SLCO3A1: variants seen among roughly 807,000 people sequenced by gnomAD.
SLCO3A1 encodes the protein PGE1 transporter.
Under a neutral mutation model 63.1 loss-of-function variants are expected in SLCO3A1, and 27 were observed. The ratio of observed to expected loss-of-function variants is 0.43; its 90% confidence interval spans 0.32 to 0.59. The LOEUF is 0.59. Among genes scored for constraint, SLCO3A1 ranks in the 20% least tolerant of loss-of-function variants. The probability of loss-of-function intolerance (pLI) is 0.09; values close to 1 mark genes in which losing one functional copy is unlikely to be tolerated. For missense variants in SLCO3A1, 773 were observed against 945.8 expected (o/e 0.82, Z 2.40); for synonymous variants, 473 against 409.9 (o/e 1.15, Z -1.86).
chr15:91,955,158 CTGT>C (rs1030244220), intron 2 of SLCO3A1, among the ~76,000 whole-genome samples: 10 of 152,144 alleles, frequency 6.6e-5, no homozygotes, highest in East Asian at 1.9e-4. Flanking sequence ...GGGCTTGGTC[CTGT>C]TGTTGTTCTC....
At chr15:92,128,311 A>T (rs775760361) in intron 6 of SLCO3A1, 40 bp from the exon 7 acceptor site, 4 of 1,612,970 alleles carry the variant, frequency 2.5e-6, no homozygotes, top group African/African-American at 2.7e-5. Context: ...TTCCGAATTG[A>T]CCTGTTTCTA....
At chr15:91,913,327 C>A (rs1354238719) in intron 1 of SLCO3A1, among the ~76,000 whole-genome samples, 2 of 152,180 alleles carry the variant, frequency 1.3e-5, no homozygotes, top group East Asian at 1.9e-4. Flanking sequence ...AAAGAGAGAC[C>A]CCCAATAATG....
At chr15:91,969,667 A>G (rs1900787524) in intron 2 of SLCO3A1, among the ~76,000 whole-genome samples, 1 of 152,196 alleles carries the variant, frequency 6.6e-6, no homozygotes, top group Non-Finnish European at 1.5e-5. Flanking sequence ...CTTTTACTTC[A>G]TAACACTCAT....
At chr15:92,065,070 T>TTTTG (rs35791741) in intron 2 of SLCO3A1, among the ~76,000 whole-genome samples, 97,391 of 150,836 alleles carry the variant, frequency 0.65, 32,044 homozygotes, top group Admixed American at 0.78. Flanking sequence ...TACCCACGTT[T>TTTTG]TTTGTTTGTT....
chr15:92,116,276 G>A (rs143698942), intron 4 of SLCO3A1, among the ~76,000 whole-genome samples: 1,761 of 152,244 alleles, frequency 0.012, 23 homozygotes, highest in African/African-American at 0.04. Flanking sequence ...GCCTTTCTCC[G>A]TCCTGAAGGA....
At chr15:91,982,744 T>C (rs1487449118) in intron 2 of SLCO3A1, among the ~76,000 whole-genome samples, 3 of 152,250 alleles carry the variant, frequency 2.0e-5, no homozygotes, top group Non-Finnish European at 4.4e-5. Context: ...CAGGCTAAGA[T>C]GGGTGGGAGG....
intron 7 of SLCO3A1, among the ~76,000 whole-genome samples, chr15:92,141,604 CA>C (rs1160256452): frequency 6.6e-6 from 1 of 152,198 alleles, no homozygotes; most frequent in African/African-American, 2.4e-5. Flanking sequence ...CAGTTACTGC[CA>C]GCTGAAGGGG....
At position 91,949,130 on chromosome 15, in the gene SLCO3A1, G is replaced by A. The variant is rs572132116; in HGVS notation, c.646+32672G>A. On this transcript the variant is annotated intron_variant, in intron 2 of 9. Coordinates refer to ENST00000318445, the MANE Select transcript of SLCO3A1 (RefSeq NM_013272.4). ...GTGGTTGGGGTGGGTGCATCAAAAA[G>A]GCTAGACTGTGTGCAGCTGCTTCTG... is the stretch of plus-strand genomic sequence containing the variant. Among the ~76,000 whole-genome samples, 83 of 152,186 alleles carry A rather than the reference G, an allele frequency of 5.5e-4. 1 individual carries two copies. Among genetic ancestry groups the A allele is most frequent in the African/African-American group, 2.0e-3 (83 of 41,498 alleles).
intron 2 of SLCO3A1, among the ~76,000 whole-genome samples, chr15:91,931,243 G>A (rs1225122210): frequency 6.6e-6 from 1 of 152,148 alleles, no homozygotes; most frequent in African/African-American, 2.4e-5. Flanking sequence ...TCCCTGATGC[G>A]ATGCATTATG....
intron 8 of SLCO3A1, 100 bp from the exon 9 acceptor site, chr15:92,150,850 A>G: frequency 1.4e-6 from 1 of 729,626 alleles, no homozygotes; most frequent in South Asian, 2.0e-5. Flanking sequence ...TTTCTAAAGA[A>G]GAGCTCTGAT....
rs779165504 is a variant in SLCO3A1 at position 92,080,938 on chromosome 15, C to CTGTGTGTATGTG, written c.647-13936_647-13935insATGTGTGTGTGT. ...TTTCATTTTTATGGATACATAGTAG[C>CTGTGTGTATGTG]TGTGTGTGTGTGTGTGTGTGTGTGT... On this transcript the variant is annotated intron_variant, in intron 2 of 9. Transcript: ENST00000318445. 3.4e-3 allele frequency among the ~76,000 whole-genome samples: 436 copies of CTGTGTGTATGTG among 128,982 alleles called. 8 individuals carry two copies. Among genetic ancestry groups the CTGTGTGTATGTG allele is most frequent in the African/African-American group, 0.012 (378 of 32,304 alleles). 84.6% of individuals were successfully genotyped at this position (128,982 alleles called of 152,430 possible). A position where few individuals can be genotyped will look rare whatever the true frequency, so the allele number is the denominator to read the frequency against.
intron 1 of SLCO3A1, among the ~76,000 whole-genome samples, chr15:91,868,688 C>G (rs1235614066): frequency 6.6e-6 from 1 of 152,110 alleles, no homozygotes; most frequent in African/African-American, 2.4e-5. Context: ...TTCCTCATCT[C>G]TAAGATTGGG....
Position 92,132,039 on chromosome 15 carries a change from T to A in SLCO3A1, c.1512+3550T>A, listed in dbSNP as rs566657303. Among the ~76,000 whole-genome samples, 72 of 145,678 alleles carry A rather than the reference T, an allele frequency of 4.9e-4. 5 individuals are homozygous for A. Among genetic ancestry groups the A allele is most frequent in the South Asian group, 4.8e-3 (22 of 4,546 alleles). On this transcript the variant is annotated intron_variant, in intron 7 of 9. Coordinates refer to ENST00000318445, the MANE Select transcript of SLCO3A1 (RefSeq NM_013272.4). Reference sequence around the variant, plus strand: ...CTCTGGATAAAGGCTCCAGGCTTTCTCAACACCCAGCTGGAGGCCCTGTAC... The same window carrying A: ...CTCTGGATAAAGGCTCCAGGCTTTCACAACACCCAGCTGGAGGCCCTGTAC...
intron 2 of SLCO3A1, among the ~76,000 whole-genome samples, chr15:92,061,876 T>C (rs1269957518): frequency 6.6e-6 from 1 of 152,182 alleles, no homozygotes; most frequent in Non-Finnish European, 1.5e-5. Flanking sequence ...GCCACAAGGG[T>C]TTAGCTACAT....
intron 4 of SLCO3A1, among the ~76,000 whole-genome samples, chr15:92,120,234 T>C (rs377615892): frequency 6.6e-6 from 1 of 152,184 alleles, no homozygotes; most frequent in South Asian, 2.1e-4. Context: ...CCTGTTTTAG[T>C]AGAAGATAGT....
In SLCO3A1 at chr15:91,885,529, C is replaced by T. The variant is rs1411543824; in HGVS notation, c.181-30464C>T. 1.3e-5 allele frequency among the ~76,000 whole-genome samples: 2 copies of T among 151,738 alleles called. No homozygotes were observed. The highest frequency in any genetic ancestry group is 1.5e-5 in the Non-Finnish European group (1 of 67,698). On this transcript the variant is annotated intron_variant, in intron 1 of 9. Coordinates refer to ENST00000318445, the MANE Select transcript of SLCO3A1 (RefSeq NM_013272.4). This position sits in a 1 kb window ranked among gnomAD's most constrained non-coding sequence, Gnocchi z 4.7. ...GAAAAGGGAGCCCTTTGCTGCTGGGCAGCGGGGCCCAAGATCCTCACAGTC... is the reference window on the plus strand; with the variant it reads ...GAAAAGGGAGCCCTTTGCTGCTGGGTAGCGGGGCCCAAGATCCTCACAGTC...
At chr15:92,053,676 G>GT (rs374017626) in intron 2 of SLCO3A1, among the ~76,000 whole-genome samples, 576 of 53,212 alleles carry the variant, frequency 0.011, 5 homozygotes, top group Middle Eastern at 0.038. Context: ...TTTATGTTTT[G>GT]TTTTTTTGTT....
intron 7 of SLCO3A1, among the ~76,000 whole-genome samples, chr15:92,136,225 G>T (rs372473299): frequency 2.0e-5 from 3 of 152,166 alleles, no homozygotes; most frequent in African/African-American, 7.2e-5. Context: ...TCCATAGAAG[G>T]CTCGTAATAC....
intron 2 of SLCO3A1, among the ~76,000 whole-genome samples, chr15:92,045,303 C>G (rs1270765576): frequency 6.7e-6 from 1 of 149,672 alleles, no homozygotes; most frequent in Non-Finnish European, 1.5e-5. Context: ...AAAATTGTCT[C>G]TTAGAGTAAC....
Sources: gnomAD v4.1 joint callset for allele counts (sites outside exome capture counted in the v4.1 genomes callset) on GRCh38, gnomAD v4.1.1 for gene constraint, Gnocchi (gnomAD v3.1) non-coding constraint, MANE v1.5 for transcripts, NCBI Gene and HGNC (gene_info 2026-07-23, HGNC 2026-07-21) for gene names.